NPSR1: variants seen among roughly 807,000 people sequenced by gnomAD.
NPSR1 encodes the protein neuropeptide S receptor 1.
Under a neutral mutation model 46.9 loss-of-function variants are expected in NPSR1, and 48 were observed. The ratio of observed to expected loss-of-function variants is 1.02; its 90% confidence interval spans 0.81 to 1.30. The LOEUF is 1.30. Among genes scored for constraint, NPSR1 ranks in the 50% most tolerant of loss-of-function variants. The pLI is 0.00. For missense variants in NPSR1, 450 were observed against 449.5 expected, an observed-to-expected ratio of 1.00 and a Z score of -0.01; for synonymous variants, 176 against 168.1, an observed-to-expected ratio of 1.05 and a Z score of -0.36.
chr7:34,748,398 G>T (rs552203573), intron 2 of NPSR1, among the ~76,000 whole-genome samples: 5 of 152,298 alleles, frequency 3.3e-5, no homozygotes, highest in Non-Finnish European at 7.4e-5. Flanking sequence ...AGCACAGCTT[G>T]GGATTGGGGC....
chr7:34,722,099 C>T (rs949251899), intron 2 of NPSR1, among the ~76,000 whole-genome samples: 2 of 151,708 alleles, frequency 1.3e-5, no homozygotes, highest in Non-Finnish European at 2.9e-5. Flanking sequence ...GGAACGGTTT[C>T]ATTAGTAAAA....
At chr7:34,674,489 T>C (rs1792213718) in intron 1 of NPSR1, among the ~76,000 whole-genome samples, 1 of 152,188 alleles carries the variant, frequency 6.6e-6, no homozygotes, top group Non-Finnish European at 1.5e-5. Flanking sequence ...AGCCTGGTGC[T>C]GTGAATGATG....
chr7:34,686,952 C>G (rs1418321410), intron 2 of NPSR1, among the ~76,000 whole-genome samples: 5 of 131,352 alleles, frequency 3.8e-5, no homozygotes, highest in Non-Finnish European at 6.2e-5. Flanking sequence ...CAGAGTGAGA[C>G]TCCGTCTCAA....
intron 1 of NPSR1, among the ~76,000 whole-genome samples, chr7:34,681,691 G>A (rs1369468591): frequency 6.6e-6 from 1 of 152,132 alleles, no homozygotes; most frequent in Non-Finnish European, 1.5e-5. Context: ...CACTAGAGCT[G>A]TGAACTCCTT....
chr7:34,826,207 T>A (rs1789828344), intron 4 of NPSR1, among the ~76,000 whole-genome samples: 1 of 152,198 alleles, frequency 6.6e-6, no homozygotes, highest in Admixed American at 6.5e-5. Flanking sequence ...ATTATAATTC[T>A]ACCCCAAGAC....
intron 2 of NPSR1, chr7:34,711,051 A>G (rs766486076): frequency 5.8e-6 from 2 of 343,188 alleles, no homozygotes; most frequent in Non-Finnish European, 1.1e-5. Flanking sequence ...AGAGATATCA[A>G]TGATGTGAGC....
intron 6 of NPSR1, among the ~76,000 whole-genome samples, chr7:34,839,805 AAG>A (rs1298426538): frequency 6.6e-6 from 1 of 151,958 alleles, no homozygotes; most frequent in Admixed American, 6.6e-5. Context: ...GGGGCAGGGG[AAG>A]AGAGAGAGTG....
At chr7:34,830,179 A>G (rs1193614781) in intron 5 of NPSR1, among the ~76,000 whole-genome samples, 1 of 152,242 alleles carries the variant, frequency 6.6e-6, no homozygotes. Context: ...TTCAACTCTT[A>G]TTCTGTCTTT....
intron 3 of NPSR1, among the ~76,000 whole-genome samples, chr7:34,793,327 A>G (rs1232460326): frequency 6.6e-6 from 1 of 152,184 alleles, no homozygotes; most frequent in East Asian, 1.9e-4. Flanking sequence ...AATATCCAGA[A>G]TATATGAGAA....
chr7:34,763,540 AT>A (rs1373139651), intron 2 of NPSR1, among the ~76,000 whole-genome samples: 1 of 152,236 alleles, frequency 6.6e-6, no homozygotes, highest in Admixed American at 6.5e-5. Context: ...GTGTTCATGT[AT>A]TATAGGTACT....
chr7:34,743,565 G>A (rs568056077), intron 2 of NPSR1, among the ~76,000 whole-genome samples: 17 of 151,882 alleles, frequency 1.1e-4, no homozygotes, highest in African/African-American at 2.7e-4. Context: ...TCAGTCTCCC[G>A]AGTAGCTGGG....
chr7:34,838,849 G>T (rs1041605361), intron 6 of NPSR1, among the ~76,000 whole-genome samples: 1 of 152,188 alleles, frequency 6.6e-6, no homozygotes, highest in Non-Finnish European at 1.5e-5. Flanking sequence ...TGTCCAGGAG[G>T]ATTTACTTGT....
intron 2 of NPSR1, chr7:34,751,854 G>T: frequency 6.3e-7 from 1 of 1,579,090 alleles, no homozygotes; most frequent in Non-Finnish European, 8.7e-7. Context: ...CCACCTCTTT[G>T]AATGGGATCC....
intron 6 of NPSR1, among the ~76,000 whole-genome samples, chr7:34,836,979 T>C (rs1244213702): frequency 4.6e-5 from 7 of 152,252 alleles, no homozygotes; most frequent in Non-Finnish European, 1.0e-4. Context: ...ATGGTATCCC[T>C]TTTATAGATA....
At chr7:34,792,518 T>C (rs118095848) in intron 3 of NPSR1, among the ~76,000 whole-genome samples, 3,498 of 136,836 alleles carry the variant, frequency 0.026, 45 homozygotes, top group Non-Finnish European at 0.037. Flanking sequence ...CACACACACA[T>C]ATATATATAT....
chr7:34,742,887 T>C (rs533609468), intron 2 of NPSR1, among the ~76,000 whole-genome samples: 4 of 152,350 alleles, frequency 2.6e-5, no homozygotes, highest in Admixed American at 2.0e-4. Flanking sequence ...TGATTTTGAT[T>C]TGTATTTCTC....
intron 3 of NPSR1, among the ~76,000 whole-genome samples, chr7:34,802,353 G>A (rs1461266698): frequency 6.7e-6 from 1 of 150,080 alleles, no homozygotes; most frequent in Non-Finnish European, 1.5e-5. Context: ...GCATGGTACT[G>A]GTACCAAAAC....
intron 6 of NPSR1, among the ~76,000 whole-genome samples, chr7:34,836,203 G>T (rs926480174): frequency 2.0e-5 from 3 of 152,062 alleles, no homozygotes; most frequent in African/African-American, 7.2e-5. Flanking sequence ...CAATCAGAGA[G>T]AATAAACACA....
chr7:34,721,313 G>A (rs998826015), intron 2 of NPSR1, among the ~76,000 whole-genome samples: 1 of 152,146 alleles, frequency 6.6e-6, no homozygotes, highest in East Asian at 1.9e-4. Context: ...AGATAGCAAC[G>A]AGTGTTCCTG....
Sources: gnomAD v4.1 joint callset for allele counts (sites outside exome capture counted in the v4.1 genomes callset) on GRCh38, gnomAD v4.1.1 for gene constraint, MANE v1.5 for transcripts, NCBI Gene and HGNC (gene_info 2026-07-23, HGNC 2026-07-21) for gene names.